The following CADPS2 variants were observed in gnomAD, a reference collection of about 807,000 sequenced individuals.
CADPS2 encodes calcium-dependent secretion activator 2.
In CADPS2, 93 loss-of-function variants were observed where a neutral mutation model predicts 172.5. The ratio of observed to expected loss-of-function variants is 0.54; its 90% CI spans 0.46 to 0.64. The LOEUF is 0.64. Ranked by LOEUF, CADPS2 falls within the 30% of genes least tolerant of loss-of-function variation. The pLI is 0.00. For synonymous variants in CADPS2, 546 were observed against 555.2 expected (o/e 0.98, Z 0.23); for missense variants, 1,420 against 1,565.9 (o/e 0.91, Z 1.57).
chr7:122,878,389 A>G (rs1316912417), intron 1 of CADPS2, among the ~76,000 whole-genome samples: 1 of 150,666 alleles, frequency 6.6e-6, no homozygotes, highest in African/African-American at 2.4e-5. Context: ...GCGGTGGCTC[A>G]CGCCTGTAAT....
chr7:122,839,271 A>C (rs986831961), intron 1 of CADPS2, among the ~76,000 whole-genome samples: 3 of 152,142 alleles, frequency 2.0e-5, no homozygotes, highest in East Asian at 3.9e-4. Context: ...CTTATACAAA[A>C]ATTAATTCAA....
chr7:122,559,816 AC>A (rs2065511796), intron 7 of CADPS2, among the ~76,000 whole-genome samples: 1 of 151,500 alleles, frequency 6.6e-6, no homozygotes, highest in African/African-American at 2.4e-5. Flanking sequence ...AGAGAAGATA[AC>A]CCGAGAACCC....
intron 7 of CADPS2, among the ~76,000 whole-genome samples, chr7:122,559,439 A>G (rs904675469): frequency 6.6e-6 from 1 of 152,016 alleles, no homozygotes; most frequent in African/African-American, 2.4e-5. Flanking sequence ...CACTCATTAC[A>G]TTTTCTGCCA....
chr7:122,823,266 A>G (rs546421942), intron 1 of CADPS2, among the ~76,000 whole-genome samples: 1 of 152,304 alleles, frequency 6.6e-6, no homozygotes, highest in East Asian at 1.9e-4. Context: ...GCACAATGCC[A>G]TTCTATTTTA....
intron 11 of CADPS2, among the ~76,000 whole-genome samples, chr7:122,481,894 C>A (rs2057343373): frequency 6.6e-6 from 1 of 151,718 alleles, no homozygotes; most frequent in African/African-American, 2.4e-5. Context: ...ACCTGTAATC[C>A]CGGCTGCTGA....
chr7:122,544,146 T>C (rs1002714187), intron 8 of CADPS2, among the ~76,000 whole-genome samples: 3 of 152,176 alleles, frequency 2.0e-5, no homozygotes, highest in Admixed American at 2.0e-4. Flanking sequence ...ACAGTAGCAA[T>C]ACATGAAATA....
chr7:122,614,805 A>G (rs912570402), intron 6 of CADPS2, among the ~76,000 whole-genome samples: 5 of 152,330 alleles, frequency 3.3e-5, no homozygotes, highest in African/African-American at 1.2e-4. Context: ...AAAAACTATA[A>G]CAGACAAAAA....
At chr7:122,600,283 A>C (rs1323972376) in intron 6 of CADPS2, among the ~76,000 whole-genome samples, 2 of 152,124 alleles carry the variant, frequency 1.3e-5, no homozygotes, top group Non-Finnish European at 2.9e-5. Flanking sequence ...AGATTGGTGT[A>C]AACAAGTTTC....
At chr7:122,866,545 A>G (rs1007413563) in intron 1 of CADPS2, among the ~76,000 whole-genome samples, 1 of 152,174 alleles carries the variant, frequency 6.6e-6, no homozygotes, top group South Asian at 2.1e-4. Context: ...TACTAAAAAT[A>G]CAAAAATTAG....
chr7:122,367,537 C>T (rs1408334242), intron 25 of CADPS2, among the ~76,000 whole-genome samples: 1 of 84,802 alleles, frequency 1.2e-5, no homozygotes, highest in African/African-American at 4.6e-5. Flanking sequence ...AACCTTCCCC[C>T]AGTTTTTTTT....
At chr7:122,728,408 A>G (rs1588809310) in intron 2 of CADPS2, among the ~76,000 whole-genome samples, 1 of 151,998 alleles carries the variant, frequency 6.6e-6, no homozygotes. Context: ...GTGAAATGGA[A>G]TGATACCAAT....
chr7:122,735,649 C>T (rs562309285), intron 2 of CADPS2, among the ~76,000 whole-genome samples: 1 of 152,230 alleles, frequency 6.6e-6, no homozygotes, highest in South Asian at 2.1e-4. Context: ...TCCCTCATCC[C>T]CCTGCTGATC....
At chr7:122,458,099 C>T (rs1417654657) in intron 14 of CADPS2, among the ~76,000 whole-genome samples, 1 of 152,122 alleles carries the variant, frequency 6.6e-6, no homozygotes, top group Non-Finnish European at 1.5e-5. Flanking sequence ...CCTGCTTCTG[C>T]TACGAGGAAT....
At chr7:122,333,480 C>G (rs1490672714) in intron 28 of CADPS2, among the ~76,000 whole-genome samples, 2 of 152,156 alleles carry the variant, frequency 1.3e-5, no homozygotes, top group African/African-American at 4.8e-5. Context: ...GCAAACTGAC[C>G]CACCTGCAGC....
At chr7:122,559,623 T>G (rs1189105180) in intron 7 of CADPS2, among the ~76,000 whole-genome samples, 1 of 151,232 alleles carries the variant, frequency 6.6e-6, no homozygotes, top group Non-Finnish European at 1.5e-5. Context: ...TACAAAAAAT[T>G]AGTCAGGCAT....
chr7:122,407,131 G>A (rs946049799), intron 20 of CADPS2, among the ~76,000 whole-genome samples: 6 of 152,232 alleles, frequency 3.9e-5, no homozygotes, highest in East Asian at 1.9e-4. Flanking sequence ...CAATATTACC[G>A]CAATGGACTT....
chr7:122,648,188 C>T (rs2078764415), intron 3 of CADPS2, among the ~76,000 whole-genome samples: 1 of 151,976 alleles, frequency 6.6e-6, no homozygotes, highest in South Asian at 2.1e-4. Context: ...CTTCTCCCAC[C>T]CCACTGTTTC....
At chr7:122,531,092 T>C (rs555937788) in intron 8 of CADPS2, among the ~76,000 whole-genome samples, 1 of 152,338 alleles carries the variant, frequency 6.6e-6, no homozygotes, top group Admixed American at 6.5e-5. Flanking sequence ...AGTGTCACAC[T>C]GCAGTAGAGA....
chr7:122,857,706 T>C (rs1308206894), intron 1 of CADPS2, among the ~76,000 whole-genome samples: 1 of 152,200 alleles, frequency 6.6e-6, no homozygotes, highest in Non-Finnish European at 1.5e-5. Context: ...CTCAAGTCAC[T>C]TCATGTCAGC....
Sources: gnomAD v4.1 joint callset for allele counts (sites outside exome capture counted in the v4.1 genomes callset) on GRCh38, gnomAD v4.1.1 for gene constraint, MANE v1.5 for transcripts, NCBI Gene and HGNC (gene_info 2026-07-23, HGNC 2026-07-21) for gene names.